The following ANKAR variants were observed in gnomAD, a reference collection of about 807,000 sequenced individuals.
The protein encoded by ANKAR is ankyrin and armadillo repeat containing.
ANKAR carries 136 observed loss-of-function variants against 146.2 expected under a neutral mutation model. That is an observed-to-expected ratio of 0.93 (90% CI 0.81 to 1.07). The LOEUF (loss-of-function observed/expected upper bound fraction) is 1.07, where lower values mean the gene tolerates loss of function less well. Among genes scored for constraint, ANKAR ranks in the 50% least tolerant of loss-of-function variants. The pLI is 0.00. For synonymous variants in ANKAR, 500 were observed against 575.8 expected, an observed-to-expected ratio of 0.87 and a Z score of 1.88; for missense variants, 1,567 against 1,679.9, an observed-to-expected ratio of 0.93 and a Z score of 1.18.
In ANKAR at chr2:189,719,679, G is replaced by A; in HGVS notation, c.2332G>A (p.Ala778Thr). The A allele has an allele frequency of 6.2e-7, 1 of 1,614,150 alleles. No homozygotes were observed. Reference sequence around the variant, plus strand: ...CTCAACCCACAAAAGTGCAGTGCATGCTTTGGTAGAAGCGGGAGGCATTCC... The same window carrying A: ...CTCAACCCACAAAAGTGCAGTGCATACTTTGGTAGAAGCGGGAGGCATTCC... ...NISTHKSAVH[A>T]LVEAGGIPSL... Residue 778 changes from alanine to threonine, a missense_variant, in exon 11 of 23, where the codon GCT (alanine) becomes ACT (threonine). By Grantham distance (58) the Ala-to-Thr change is moderately conservative. Coordinates refer to ENST00000684021, the MANE Select transcript of ANKAR (RefSeq NM_001378068.1).
rs1301875037 is a variant in ANKAR, at chr2:189,696,413, C to T, written c.1708+44C>T. 3.8e-6 allele frequency: 6 copies of T among 1,565,258 alleles called. No individual in the cohort carries two copies. The African/African-American group carries it at 4.1e-5, about 11-fold the overall frequency. ...ACCTAAAATGTTGTTATTTTATTTA[C>T]CCTTACTCAGCATTAGGAATGCACG... On this transcript the variant is annotated intron_variant, in intron 7 of 22. Transcript: ENST00000684021.
At chr2:189,694,400 C>T (rs1261994958) in intron 5 of ANKAR, among the ~76,000 whole-genome samples, 4 of 152,032 alleles carry the variant, frequency 2.6e-5, no homozygotes, top group East Asian at 1.9e-4. Flanking sequence ...GGAAGGTCGC[C>T]GTTTTCCCTC....
At position 189,711,049 on chromosome 2, in the gene ANKAR, A is replaced by C. The variant is rs150827562; in HGVS notation, c.2120A>C (p.Glu707Ala). ...TGTTTTTCTGTTGAACACTTAACAG[A>C]AATGTTACAGTGTGAAAGCTATAAA... ...PELPVWKTLV[E>A]MLQCESYKRR... The change falls in exon 10 of 23, where the codon GAA becomes GCA. Residue 707 changes from glutamate (E) to alanine (A), a missense_variant and splice_region_variant. Coordinates refer to ENST00000684021, the MANE Select transcript of ANKAR (RefSeq NM_001378068.1). The C allele has an allele frequency of 3.0e-5, 49 of 1,610,200 alleles. No individual in the cohort carries two copies. The African/African-American group carries it at 5.2e-4, about 17-fold the overall frequency.
At chr2:189,754,545 G>A (rs1182950437) in intron 18 of ANKAR, 1 of 538,950 alleles carries the variant, frequency 1.9e-6, no homozygotes, top group Non-Finnish European at 3.2e-6. Flanking sequence ...CGAACAATAA[G>A]AGGCCAATCA....
chr2:189,746,766 C>G (rs2044219633), downstream of ANKAR: 1 of 975,744 alleles, frequency 1.0e-6, no homozygotes, highest in Non-Finnish European at 1.4e-6. Context: ...GCAGATTTTC[C>G]TTAGCATGTC....
rs186291727 is a variant in ANKAR at position 189,696,259 on chromosome 2, G to T, written c.1598G>T (p.Gly533Val). 1.7e-5 allele frequency: 27 copies of T among 1,614,074 alleles called. No individual in the cohort carries two copies. The Admixed American group carries it at 3.2e-4, about 19-fold the overall frequency. Residue 533 changes from glycine to valine, a missense_variant, in exon 7 of 23, where the codon GGT becomes GTT. Physicochemically the swap from Gly to Val is moderately radical, Grantham distance 109. Coordinates refer to ENST00000684021, the MANE Select transcript of ANKAR (RefSeq NM_001378068.1). Reference sequence around the variant, plus strand: ...ACAATCAATGTTTCAGATGAAGCAGGTTATACTATTTTTCATCATGCTGCC... The same window carrying T: ...ACAATCAATGTTTCAGATGAAGCAGTTTATACTATTTTTCATCATGCTGCC... ...SSTINVSDEA[G>V]YTIFHHAALH...
chr2:189,726,446 C>A (rs2041887403), intron 12 of ANKAR, among the ~76,000 whole-genome samples: 1 of 152,042 alleles, frequency 6.6e-6, no homozygotes. Context: ...TGCACCCAAG[C>A]CATAATGTCA....
downstream of ANKAR, among the ~76,000 whole-genome samples, chr2:189,749,260 A>AAAAAAAAAGAT (rs1553538643): frequency 1.4e-5 from 2 of 142,092 alleles, no homozygotes; most frequent in African/African-American, 5.1e-5. Flanking sequence ...AAAAAAAAAA[A>AAAAAAAAAGAT]AAAAAAAGAT....
At chr2:189,683,197 C>G (rs1476186257) in intron 2 of ANKAR, among the ~76,000 whole-genome samples, 4 of 152,168 alleles carry the variant, frequency 2.6e-5, no homozygotes, top group African/African-American at 9.7e-5. Flanking sequence ...AAATAATTTT[C>G]TATTCTTTAT....
At chr2:189,732,509 A>C (rs1017214262) in intron 16 of ANKAR, among the ~76,000 whole-genome samples, 2 of 152,002 alleles carry the variant, frequency 1.3e-5, no homozygotes, top group Non-Finnish European at 2.9e-5. Context: ...AAGATACAAA[A>C]AATTAGCTGG....
chr2:189,729,791 A>G (rs1415597683), intron 15 of ANKAR, among the ~76,000 whole-genome samples: 1 of 150,486 alleles, frequency 6.6e-6, no homozygotes, highest in Non-Finnish European at 1.5e-5. Context: ...TATGTAGGTG[A>G]CTTCTCTTCA....
intron 2 of ANKAR, among the ~76,000 whole-genome samples, chr2:189,677,733 A>G (rs2033965747): frequency 6.6e-6 from 1 of 150,760 alleles, no homozygotes; most frequent in Non-Finnish European, 1.5e-5. Context: ...CTGGCCTCGA[A>G]CCCCTGGCCT....
Position 189,752,421 on chromosome 2 carries a change from C to T in ANKAR, c.*584+7633C>T, listed in dbSNP as rs145450612. Among the ~76,000 whole-genome samples, 3 of 152,330 alleles carry T rather than the reference C, an allele frequency of 2.0e-5. No individual in the cohort carries two copies. The East Asian group carries it at 5.8e-4, about 29-fold the overall frequency. ...CAAAGGAGGGAATTCATCACCCTTACTCATGACCTGTTTCTAACTCACCTA... is the reference window on the plus strand; with the variant it reads ...CAAAGGAGGGAATTCATCACCCTTATTCATGACCTGTTTCTAACTCACCTA... On this transcript the variant is annotated intron_variant and NMD_transcript_variant, in intron 18 of 18. Coordinates refer to the ANKAR transcript ENST00000441800.
At chr2:189,704,479 A>G (rs2038555479) in intron 7 of ANKAR, among the ~76,000 whole-genome samples, 1 of 146,316 alleles carries the variant, frequency 6.8e-6, no homozygotes. Flanking sequence ...ATAAATATCT[A>G]TATACAATGG....
intron 7 of ANKAR, among the ~76,000 whole-genome samples, chr2:189,701,371 T>C (rs2038031438): frequency 6.6e-6 from 1 of 152,182 alleles, no homozygotes; most frequent in Non-Finnish European, 1.5e-5. Context: ...TAGCTGGGAC[T>C]ACAGGCCCAT....
chr2:189,750,781 T>A, downstream of ANKAR: 1 of 645,974 alleles, frequency 1.5e-6, no homozygotes, highest in Non-Finnish European at 2.5e-6. Flanking sequence ...TATGTGGTGA[T>A]GATTCTTAAA....
chr2:189,686,578 T>C (rs1287970929), intron 2 of ANKAR, among the ~76,000 whole-genome samples: 1 of 152,154 alleles, frequency 6.6e-6, no homozygotes, highest in African/African-American at 2.4e-5. Flanking sequence ...AAAAGAAATT[T>C]ATAGTACTAG....
chr2:189,726,141 T>C (rs2041855484), intron 12 of ANKAR, among the ~76,000 whole-genome samples: 1 of 152,188 alleles, frequency 6.6e-6, no homozygotes, highest in Non-Finnish European at 1.5e-5. Flanking sequence ...AAATGGTTGC[T>C]AAATCTTGGG....
intron 20 of ANKAR, among the ~76,000 whole-genome samples, chr2:189,742,863 CTG>C (rs2043488623): frequency 2.0e-4 from 4 of 19,592 alleles, no homozygotes; most frequent in Non-Finnish European, 1.1e-3. Flanking sequence ...TTAGAATTAC[CTG>C]ACACACACAC....
Sources: allele counts gnomAD v4.1 joint callset (sites outside exome capture counted in the v4.1 genomes callset), GRCh38; gene constraint gnomAD v4.1.1; transcripts MANE v1.5; gene names NCBI Gene and HGNC (gene_info 2026-07-23, HGNC 2026-07-21).